The following PON2 variants were observed in gnomAD, a reference collection of about 807,000 sequenced individuals.
PON2 encodes the protein paraoxonase 2, also known as serum paraoxonase/arylesterase 2.
Under a neutral mutation model 36.6 loss-of-function variants are expected in PON2, and 27 were observed. That is an observed-to-expected ratio of 0.74 (90% confidence interval 0.54 to 1.02). The LOEUF is 1.02. PON2 is among the 50% of genes least tolerant of loss of function. The pLI, the probability that PON2 is intolerant of heterozygous loss-of-function variation, is 0.00. For missense variants in PON2, 363 were observed against 421.1 expected, an observed-to-expected ratio of 0.86 and a Z score of 1.21; for synonymous variants, 149 against 156.3, an observed-to-expected ratio of 0.95 and a Z score of 0.35.
At chr7:95,410,764 A>T (rs1278270757) in intron 5 of PON2, among the ~76,000 whole-genome samples, 3 of 152,224 alleles carry the variant, frequency 2.0e-5, no homozygotes, top group Non-Finnish European at 2.9e-5. Context: ...CAATTACTCT[A>T]TGCAAAAATT....
intron 1 of PON2, among the ~76,000 whole-genome samples, chr7:95,433,161 C>T (rs995207875): frequency 1.3e-5 from 2 of 152,234 alleles, no homozygotes; most frequent in Non-Finnish European, 2.9e-5. Context: ...CCAAACAATA[C>T]ATTATTCCAT....
chr7:95,415,105 G>C (rs1789030882), intron 3 of PON2: 1 of 152,134 alleles, frequency 6.6e-6, no homozygotes, highest in Non-Finnish European at 1.5e-5. Context: ...TTGAGTCTCA[G>C]AGCCTGAAAA....
At chr7:95,433,728 C>T (rs1005757075) in intron 1 of PON2, among the ~76,000 whole-genome samples, 3 of 152,198 alleles carry the variant, frequency 2.0e-5, no homozygotes, top group Admixed American at 6.5e-5. Context: ...TCCAACTTCC[C>T]ACCTTAGCCC....
chr7:95,419,940 T>C (rs1789155097), intron 2 of PON2, among the ~76,000 whole-genome samples: 1 of 152,204 alleles, frequency 6.6e-6, no homozygotes, highest in African/African-American at 2.4e-5. Context: ...CAGCAACGCA[T>C]CCTTTACTAT....
At chr7:95,423,124 G>A (rs1201867936) in intron 2 of PON2, among the ~76,000 whole-genome samples, 1 of 151,940 alleles carries the variant, frequency 6.6e-6, no homozygotes, top group East Asian at 1.9e-4. Context: ...AGGAGTTCAA[G>A]ACCAGCCTGG....
intron 6 of PON2, 148 bp downstream of exon 6, chr7:95,409,745 ATATATAAT>A: frequency 4.2e-6 from 1 of 239,038 alleles, no homozygotes; most frequent in Non-Finnish European, 7.6e-6. Flanking sequence ...TATACAAAAC[ATATATAAT>A]TATATATATA....
At chr7:95,419,114 A>G (rs1201619964) in intron 2 of PON2, among the ~76,000 whole-genome samples, 1 of 152,240 alleles carries the variant, frequency 6.6e-6, no homozygotes, top group African/African-American at 2.4e-5. Flanking sequence ...CAAATAGCCA[A>G]TCATGTTTAA....
In PON2 at chr7:95,412,619, G is replaced by A. The variant is rs1014041778; in HGVS notation, c.202-142C>T. 4 of 796,002 alleles carry A rather than the reference G, an allele frequency of 5.0e-6. No homozygotes were observed. The African/African-American group carries it at 7.0e-5, about 14-fold the overall frequency. The allele number at this position is 796,002 out of a possible 1,614,324, so 49.3% of individuals were successfully genotyped here. ...ACAAAAACTCAAAAAACAGAGAAAA[G>A]ATAACAGAAAAAATAATAACGGGGA... On this transcript the variant is annotated intron_variant, in intron 3 of 8. Transcript: ENST00000222572.
Position 95,429,185 on chromosome 7 carries a change from C to G in PON2, c.75-4600G>C, listed in dbSNP as rs188939055. Among the ~76,000 whole-genome samples, 4 of 143,930 alleles carry G rather than the reference C, an allele frequency of 2.8e-5. No homozygotes were observed. In the South Asian group the frequency reaches 9.7e-4, roughly 35 times the overall value. 94.4% of individuals were successfully genotyped at this position (143,930 alleles called of 152,430 possible). On this transcript the variant is annotated intron_variant, in intron 1 of 8. Coordinates refer to ENST00000222572, the MANE Select transcript of PON2 (RefSeq NM_000305.3). ...TCTCCTAATGCTATCCCTCCCCCCT[C>G]CCCCTACCCCACAAGAGGCCCCGGT... is the stretch of plus-strand genomic sequence containing the variant.
chr7:95,407,915 C>A (rs1809747147), intron 6 of PON2, among the ~76,000 whole-genome samples: 1 of 152,076 alleles, frequency 6.6e-6, no homozygotes, highest in South Asian at 2.1e-4. Context: ...ACTTCCCAGG[C>A]AGAAGCAAGC....
intron 1 of PON2, among the ~76,000 whole-genome samples, chr7:95,432,016 G>A (rs10261470): frequency 0.15 from 21,989 of 151,330 alleles, 1,913 homozygotes; most frequent in African/African-American, 0.22. Context: ...ACATTCTCAC[G>A]TCAGCCCATT....
chr7:95,412,672 C>T, intron 3 of PON2, 195 bp from the exon 4 acceptor site: 1 of 611,834 alleles, frequency 1.6e-6, no homozygotes, highest in Non-Finnish European at 2.9e-6. Context: ...CTGAAAATAA[C>T]TGAAAAGAAG....
intron 1 of PON2, among the ~76,000 whole-genome samples, chr7:95,427,568 G>A (rs1234294799): frequency 1.3e-5 from 2 of 152,138 alleles, no homozygotes; most frequent in African/African-American, 4.8e-5. Context: ...CAGCCATTCT[G>A]CATCCTTGAG....
intron 3 of PON2, 103 bp downstream of exon 3, chr7:95,416,139 C>G: frequency 6.4e-7 from 1 of 1,570,066 alleles, no homozygotes; most frequent in South Asian, 1.1e-5. Flanking sequence ...CTTCAGAATG[C>G]ATTTTGGAAA....
intron 1 of PON2, among the ~76,000 whole-genome samples, chr7:95,430,293 C>T (rs1292353493): frequency 1.3e-5 from 2 of 151,448 alleles, no homozygotes; most frequent in Non-Finnish European, 3.0e-5. Context: ...AGCAAGACCC[C>T]CATCTCTACA....
At chr7:95,406,528 G>A (rs1265922429) in intron 7 of PON2, among the ~76,000 whole-genome samples, 1 of 152,110 alleles carries the variant, frequency 6.6e-6, no homozygotes, top group East Asian at 1.9e-4. Context: ...TGATCAGTTA[G>A]CTCAAGGAAC....
intron 2 of PON2, among the ~76,000 whole-genome samples, chr7:95,417,727 C>CACT (rs1562788872): frequency 1.2e-5 from 1 of 80,264 alleles, no homozygotes; most frequent in African/African-American, 5.4e-5. Flanking sequence ...ACACACACAC[C>CACT]GAGAGAGAAT....
At chr7:95,426,153 T>A (rs1789311095) in intron 1 of PON2, among the ~76,000 whole-genome samples, 1 of 152,114 alleles carries the variant, frequency 6.6e-6, no homozygotes, top group Non-Finnish European at 1.5e-5. Flanking sequence ...CTATACTCAC[T>A]ACCTGGGTGA....
chr7:95,427,251 A>G (rs1789337362), intron 1 of PON2, among the ~76,000 whole-genome samples: 1 of 152,188 alleles, frequency 6.6e-6, no homozygotes. Flanking sequence ...TTTCCCTGGC[A>G]GAACAATCAG....
Sources: allele counts gnomAD v4.1 joint callset (sites outside exome capture counted in the v4.1 genomes callset), GRCh38; gene constraint gnomAD v4.1.1; transcripts MANE v1.5; gene names NCBI Gene and HGNC (gene_info 2026-07-23, HGNC 2026-07-21).